Variants in RSPO2 observed in about 807,000 individuals in gnomAD.
The protein encoded by RSPO2 is R-spondin-2.
In RSPO2, 14 loss-of-function variants were observed where a neutral mutation model predicts 30.9. That is an observed-to-expected ratio of 0.45 (90% CI 0.30 to 0.71). RSPO2 has a LOEUF of 0.71. Ranked by LOEUF, RSPO2 falls within the 30% of genes least tolerant of loss-of-function variation. The pLI, the probability that RSPO2 is intolerant of heterozygous loss-of-function variation, is 0.08. For missense variants in RSPO2, 264 were observed against 301.9 expected (o/e 0.87, Z 0.93); for synonymous variants, 107 against 96.4 (o/e 1.11, Z -0.64).
chr8:107,966,002 C>T (rs1813790890), intron 3 of RSPO2, among the ~76,000 whole-genome samples: 1 of 152,052 alleles, frequency 6.6e-6, no homozygotes, highest in Non-Finnish European at 1.5e-5. Flanking sequence ...GGTGGCTGCC[C>T]TCATCATGAG....
At chr8:107,972,289 GTGCCTGCCACCA>G (rs1472376285) in intron 3 of RSPO2, among the ~76,000 whole-genome samples, 2 of 151,930 alleles carry the variant, frequency 1.3e-5, no homozygotes, top group African/African-American at 4.8e-5. Context: ...GGGATTACAG[GTGCCTGCCACCA>G]TGTCTGGATA....
chr8:107,924,071 C>G (rs983333378), intron 5 of RSPO2, among the ~76,000 whole-genome samples: 4 of 149,092 alleles, frequency 2.7e-5, no homozygotes, highest in Admixed American at 2.1e-4. Flanking sequence ...CAAAGTTGCA[C>G]GTGTACCCCT....
In RSPO2 at chr8:107,984,488, A is replaced by T. The variant is rs1396060384; in HGVS notation, c.283+4568T>A. ...TTCTAGATGAAACTATATGTGCCAC[A>T]CTTTGCACTACTCATAATGATAACC... On this transcript the variant is annotated intron_variant, in intron 3 of 5. Transcript: ENST00000276659. 2.0e-5 allele frequency among the ~76,000 whole-genome samples: 3 copies of T among 152,332 alleles called. No individual in the cohort carries two copies. In the East Asian group the frequency reaches 5.8e-4, roughly 29 times the overall value.
At chr8:108,003,275 GTGTA>G (rs1170108416) in intron 2 of RSPO2, among the ~76,000 whole-genome samples, 31 of 65,650 alleles carry the variant, frequency 4.7e-4, no homozygotes, top group Non-Finnish European at 4.6e-4. Context: ...GTGTGTGTGT[GTGTA>G]TATATATATA....
chr8:108,038,637 C>T (rs1811663994), intron 2 of RSPO2, among the ~76,000 whole-genome samples: 1 of 152,100 alleles, frequency 6.6e-6, no homozygotes, highest in East Asian at 1.9e-4. Flanking sequence ...AAAACTGCCA[C>T]CAGCACCCCA....
At chr8:108,012,433 A>T (rs1001905771) in intron 2 of RSPO2, among the ~76,000 whole-genome samples, 1 of 152,224 alleles carries the variant, frequency 6.6e-6, no homozygotes, top group Non-Finnish European at 1.5e-5. Flanking sequence ...AAAGTTTTGA[A>T]TTCAGCCCTT....
At chr8:108,059,680 A>G (rs4431570) in intron 2 of RSPO2, among the ~76,000 whole-genome samples, 6 of 145,464 alleles carry the variant, frequency 4.1e-5, no homozygotes, top group African/African-American at 1.1e-4. Context: ...CCATAAAAAA[A>G]GATGAGTTCA....
intron 2 of RSPO2, among the ~76,000 whole-genome samples, chr8:108,052,853 G>T (rs2130682712): frequency 6.6e-6 from 1 of 152,026 alleles, no homozygotes; most frequent in East Asian, 1.9e-4. Flanking sequence ...ATGACTAATA[G>T]AAATATGAAT....
intron 5 of RSPO2, among the ~76,000 whole-genome samples, chr8:107,908,420 T>C (rs2130261989): frequency 6.6e-6 from 1 of 152,286 alleles, no homozygotes; most frequent in Middle Eastern, 3.4e-3. Context: ...TTTTCATAAA[T>C]ACTTTAGGTT....
At chr8:107,996,820 C>T (rs1007050782) in intron 2 of RSPO2, 2 of 391,224 alleles carry the variant, frequency 5.1e-6, no homozygotes, top group Non-Finnish European at 1.0e-5. Flanking sequence ...CTGTGCCCTG[C>T]ATTTTTTAAA....
chr8:107,968,065 A>ACTTATATAGTG (rs1195519419), intron 3 of RSPO2, among the ~76,000 whole-genome samples: 1 of 152,112 alleles, frequency 6.6e-6, no homozygotes, highest in African/African-American at 2.4e-5. Flanking sequence ...ATTTACTACC[A>ACTTATATAGTG]ATGTGATCCA....
chr8:107,928,778 G>A (rs1586552425), intron 5 of RSPO2, among the ~76,000 whole-genome samples: 1 of 152,284 alleles, frequency 6.6e-6, no homozygotes, highest in East Asian at 1.9e-4. Context: ...AGAAATAGTA[G>A]TTCCTATGAG....
At chr8:108,059,409 G>A (rs1341341460) in intron 2 of RSPO2, among the ~76,000 whole-genome samples, 1 of 151,634 alleles carries the variant, frequency 6.6e-6, no homozygotes, top group Non-Finnish European at 1.5e-5. Flanking sequence ...TGGTGGGACT[G>A]TAAACTAGTT....
Position 107,983,100 on chromosome 8 carries a change from C to T in RSPO2, c.283+5956G>A, listed in dbSNP as rs1055111802. Reference sequence around the variant, plus strand: ...CCACTACTCCCCTTCCTAAGGCCGCCGCTTACCCCAGGGTCTATGGAAGTA... The same window carrying T: ...CCACTACTCCCCTTCCTAAGGCCGCTGCTTACCCCAGGGTCTATGGAAGTA... On this transcript the variant is annotated intron_variant, in intron 3 of 5. Transcript: ENST00000276659. 3.1e-5 allele frequency: 43 copies of T among 1,394,796 alleles called. No homozygotes were observed. In the South Asian group the frequency reaches 3.2e-4, roughly 10 times the overall value. The allele number at this position is 1,394,796 out of a possible 1,614,324, so 86.4% of individuals were successfully genotyped here. A position where few individuals can be genotyped will look rare whatever the true frequency, so the allele number is the denominator to read the frequency against.
intron 2 of RSPO2, among the ~76,000 whole-genome samples, chr8:108,046,810 T>C (rs1458862819): frequency 2.0e-5 from 3 of 152,114 alleles, no homozygotes; most frequent in Non-Finnish European, 4.4e-5. Flanking sequence ...ACACAATTGT[T>C]AAGGGCAATT....
At chr8:107,918,925 A>G (rs1812066055) in intron 5 of RSPO2, among the ~76,000 whole-genome samples, 1 of 152,136 alleles carries the variant, frequency 6.6e-6, no homozygotes, top group African/African-American at 2.4e-5. Flanking sequence ...TGCAGTTTGG[A>G]GTAAATCCTA....
intron 5 of RSPO2, among the ~76,000 whole-genome samples, chr8:107,922,821 C>T (rs146883525): frequency 6.6e-6 from 1 of 152,078 alleles, no homozygotes; most frequent in Non-Finnish European, 1.5e-5. Context: ...ATGAAGCTGA[C>T]AAAAACAAGC....
At chr8:107,985,250 A>G (rs919484713) in intron 3 of RSPO2, among the ~76,000 whole-genome samples, 1 of 152,194 alleles carries the variant, frequency 6.6e-6, no homozygotes, top group African/African-American at 2.4e-5. Context: ...TCCATTTGGC[A>G]ATATATATCT....
intron 2 of RSPO2, among the ~76,000 whole-genome samples, chr8:108,080,369 C>T (rs1006169021): frequency 6.6e-6 from 1 of 152,060 alleles, no homozygotes; most frequent in Non-Finnish European, 1.5e-5. Context: ...TTTTTACACC[C>T]TTACCAATTT....
Sources: gnomAD v4.1 joint callset for allele counts (sites outside exome capture counted in the v4.1 genomes callset) on GRCh38, gnomAD v4.1.1 for gene constraint, MANE v1.5 for transcripts, NCBI Gene and HGNC (gene_info 2026-07-23, HGNC 2026-07-21) for gene names.